Variants in ATG10 observed in about 807,000 individuals in gnomAD.
ATG10 encodes ubiquitin-like-conjugating enzyme ATG10.
ATG10 carries 30 observed loss-of-function variants against 32.1 expected under a neutral mutation model. That is an observed-to-expected ratio of 0.94 (90% CI 0.70 to 1.27). The LOEUF (loss-of-function observed/expected upper bound fraction) is 1.27. Among genes scored for constraint, ATG10 ranks in the 50% most tolerant of loss-of-function variants. The probability of loss-of-function intolerance (pLI) is 0.00; values close to 1 mark genes in which losing one functional copy is unlikely to be tolerated. For missense variants in ATG10, 233 were observed against 262.3 expected (o/e 0.89, Z 0.77); for synonymous variants, 87 against 91.5 (o/e 0.95, Z 0.28).
Position 81,987,910 on chromosome 5 carries a change from C to T in ATG10, c.108+232C>T, listed in dbSNP as rs530926759. Among the ~76,000 whole-genome samples, 22 of 152,240 alleles carry T rather than the reference C, an allele frequency of 1.4e-4. No individual in the cohort carries two copies. The East Asian group carries it at 2.3e-3, about 16-fold the overall frequency. ...GAAGTATTATTTTGAAAAGTCCTTA[C>T]GTAACCTGCTTAATTTAATAGATAA... On this transcript the variant is annotated intron_variant, in intron 2 of 7. Coordinates refer to ENST00000282185, the MANE Select transcript of ATG10 (RefSeq NM_031482.5).
chr5:82,147,188 A>G lies in ATG10; in HGVS notation c.217-17211A>G, dbSNP rs540092633. ...AACTTTTTCTCTTTTTTCTTTTTTA[A>G]GGTGAAGTCTTGCTCTGTCACCCAG... On this transcript the variant is annotated intron_variant, in intron 3 of 7. Transcript: ENST00000282185. 1.3e-4 allele frequency: 27 copies of G among 215,348 alleles called. 1 individual carries two copies. Among genetic ancestry groups the G allele is most frequent in the Middle Eastern group, 1.8e-3 (1 of 560 alleles). The allele number at this position is 215,348 out of a possible 1,614,324, so 13.3% of individuals were successfully genotyped here. A position where few individuals can be genotyped will look rare whatever the true frequency, so the allele number is the denominator to read the frequency against.
intron 3 of ATG10, among the ~76,000 whole-genome samples, chr5:82,105,495 G>A (rs1171907251): frequency 2.0e-5 from 3 of 152,084 alleles, no homozygotes; most frequent in African/African-American, 7.2e-5. Context: ...ATATGTAACT[G>A]TATATTTCAG....
chr5:82,139,692 C>G (rs1191808961), intron 3 of ATG10, among the ~76,000 whole-genome samples: 4 of 147,094 alleles, frequency 2.7e-5, no homozygotes, highest in Admixed American at 6.6e-5. Context: ...CCGGCAGCCA[C>G]CCCGTCCGGG....
intron 5 of ATG10, among the ~76,000 whole-genome samples, chr5:82,252,283 G>A (rs1747283180): frequency 1.3e-5 from 2 of 152,140 alleles, no homozygotes; most frequent in African/African-American, 4.8e-5. Context: ...AACAGAGAGG[G>A]AACTGATAAA....
chr5:82,165,923 A>C (rs1247258714), intron 4 of ATG10, among the ~76,000 whole-genome samples: 1 of 152,202 alleles, frequency 6.6e-6, no homozygotes, highest in Admixed American at 6.5e-5. Flanking sequence ...CTGTACTTTC[A>C]TATAATTAGT....
chr5:81,993,521 C>T (rs140479054), intron 2 of ATG10, among the ~76,000 whole-genome samples: 3,995 of 150,250 alleles, frequency 0.027, 80 homozygotes, highest in Middle Eastern at 0.048. Context: ...CTGTGCCTCC[C>T]GGGTTCCAGT....
At chr5:82,229,113 A>G (rs1388467501) in intron 5 of ATG10, among the ~76,000 whole-genome samples, 2 of 152,152 alleles carry the variant, frequency 1.3e-5, no homozygotes, top group Non-Finnish European at 2.9e-5. Flanking sequence ...CTTTGTAGGG[A>G]TGCTGGATTT....
At chr5:82,035,543 C>A (rs1762893500) in intron 2 of ATG10, among the ~76,000 whole-genome samples, 1 of 151,868 alleles carries the variant, frequency 6.6e-6, no homozygotes, top group Non-Finnish European at 1.5e-5. Context: ...TTGGATATTG[C>A]TGATTTCTAA....
intron 5 of ATG10, among the ~76,000 whole-genome samples, chr5:82,205,500 G>T (rs1745254995): frequency 6.6e-6 from 1 of 152,200 alleles, no homozygotes; most frequent in Admixed American, 6.5e-5. Flanking sequence ...AGGTAGGATG[G>T]TAGTGGGACA....
At chr5:81,986,870 C>G (rs2062401) in intron 1 of ATG10, among the ~76,000 whole-genome samples, 25,139 of 151,924 alleles carry the variant, frequency 0.17, 2,481 homozygotes, top group South Asian at 0.36. Flanking sequence ...ATGGTGGAAC[C>G]CTGTCTTTAC....
chr5:82,244,349 G>C (rs1746933827), intron 5 of ATG10, among the ~76,000 whole-genome samples: 1 of 152,188 alleles, frequency 6.6e-6, no homozygotes, highest in South Asian at 2.1e-4. Context: ...GGTCTTAGGA[G>C]ATATGGAGGT....
intron 3 of ATG10, among the ~76,000 whole-genome samples, chr5:82,148,879 A>C (rs186860425): frequency 6.6e-6 from 1 of 151,922 alleles, no homozygotes; most frequent in African/African-American, 2.4e-5. Context: ...TTCTGTGTCT[A>C]TCAAGCTCTT....
At chr5:82,240,035 A>C (rs760286420) in intron 5 of ATG10, among the ~76,000 whole-genome samples, 7 of 152,162 alleles carry the variant, frequency 4.6e-5, no homozygotes, top group Non-Finnish European at 1.0e-4. Flanking sequence ...GCTGGCAAGG[A>C]TGTAGAGAAA....
chr5:82,048,856 T>C (rs1763308571), intron 2 of ATG10, among the ~76,000 whole-genome samples: 1 of 152,158 alleles, frequency 6.6e-6, no homozygotes, highest in South Asian at 2.1e-4. Context: ...AGATACCATC[T>C]CACACCAGTT....
At chr5:82,242,609 C>T (rs549620569) in intron 5 of ATG10, among the ~76,000 whole-genome samples, 4 of 152,038 alleles carry the variant, frequency 2.6e-5, no homozygotes, top group South Asian at 2.1e-4. Flanking sequence ...GATCTTAAAG[C>T]GAATGACAAT....
chr5:82,070,934 G>C (rs1384257), intron 3 of ATG10, among the ~76,000 whole-genome samples: 150,217 of 152,290 alleles, frequency 0.99, 74,112 homozygotes, highest in Middle Eastern at 1. Context: ...ACATCTAATG[G>C]CTTCATCTTT....
intron 3 of ATG10, among the ~76,000 whole-genome samples, chr5:82,138,580 A>C (rs1766870270): frequency 6.6e-6 from 1 of 152,052 alleles, no homozygotes; most frequent in Non-Finnish European, 1.5e-5. Flanking sequence ...CAATGAGATG[A>C]ACTGGGTACC....
At chr5:82,010,793 A>G (rs1762107898) in intron 2 of ATG10, among the ~76,000 whole-genome samples, 1 of 152,204 alleles carries the variant, frequency 6.6e-6, no homozygotes, top group Admixed American at 6.5e-5. Flanking sequence ...CATTTTGGTC[A>G]TATTGTATTA....
At chr5:82,052,919 A>G (rs1197897830) in intron 2 of ATG10, among the ~76,000 whole-genome samples, 1 of 152,220 alleles carries the variant, frequency 6.6e-6, no homozygotes, top group African/African-American at 2.4e-5. Context: ...ACCTTATACT[A>G]TTAAAATAAT....
Sources: allele counts gnomAD v4.1 joint callset (sites outside exome capture counted in the v4.1 genomes callset), GRCh38; gene constraint gnomAD v4.1.1; transcripts MANE v1.5; gene names NCBI Gene and HGNC (gene_info 2026-07-23, HGNC 2026-07-21).